The following RBM47 variants were observed in gnomAD, a reference collection of about 807,000 sequenced individuals.
The protein encoded by RBM47 is RNA binding motif protein 47.
In RBM47, 21 loss-of-function variants were observed where a neutral mutation model predicts 47.1. The observed-to-expected ratio is 0.45, with a 90% CI of 0.32 to 0.64. The LOEUF is 0.64. RBM47 is among the 30% of genes least tolerant of loss of function. The pLI is 0.05. For missense variants in RBM47, 708 were observed against 870.9 expected (o/e 0.81, Z 2.35); for synonymous variants, 375 against 361.7 (o/e 1.04, Z -0.42).
intron 1 of RBM47, among the ~76,000 whole-genome samples, chr4:40,557,102 T>C (rs1484445824): frequency 6.6e-6 from 1 of 152,170 alleles, no homozygotes; most frequent in East Asian, 1.9e-4. Context: ...AATTCATTAT[T>C]GGTGGAAGTA....
In RBM47 at chr4:40,483,274, T is replaced by A. The variant is rs1368009832; in HGVS notation, c.-154-16575A>T. ...TTCAATTTTGAATTGGTTGCAAGAG[T>A]CACTCAATCGTTCAACAATGGCTAT... On this transcript the variant is annotated intron_variant, in intron 2 of 6. Transcript: ENST00000295971. Among the ~76,000 whole-genome samples, 6 of 152,140 alleles carry A rather than the reference T, an allele frequency of 3.9e-5. No homozygotes were observed. In the East Asian group the frequency reaches 1.2e-3, roughly 29 times the overall value.
chr4:40,569,024 C>CAG (rs1731412511), intron 1 of RBM47, among the ~76,000 whole-genome samples: 3 of 126,738 alleles, frequency 2.4e-5, no homozygotes, highest in African/African-American at 1.1e-4. Context: ...GATAGACAGA[C>CAG]AGACAGACAG....
At chr4:40,565,584 T>C (rs1307346615) in intron 1 of RBM47, among the ~76,000 whole-genome samples, 4 of 152,168 alleles carry the variant, frequency 2.6e-5, no homozygotes, top group Non-Finnish European at 5.9e-5. Flanking sequence ...AGCTTTGGAA[T>C]TAAGATTTGG....
intron 6 of RBM47, among the ~76,000 whole-genome samples, 185 bp downstream of exon 6, chr4:40,432,466 G>A (rs1406024890): frequency 1.3e-5 from 2 of 151,986 alleles, no homozygotes; most frequent in Non-Finnish European, 2.9e-5. Flanking sequence ...TATTATTAGG[G>A]TAGTACAATT....
At chr4:40,625,461 T>C (rs906525372) in intron 1 of RBM47, among the ~76,000 whole-genome samples, 10 of 152,168 alleles carry the variant, frequency 6.6e-5, no homozygotes, top group African/African-American at 2.4e-4. Flanking sequence ...AGGCGTCCTG[T>C]TCCTGTTTCA....
At chr4:40,479,628 A>G in intron 2 of RBM47, among the ~76,000 whole-genome samples, 1 of 151,908 alleles carries the variant, frequency 6.6e-6, no homozygotes, top group South Asian at 2.1e-4. Flanking sequence ...ATATATAAAT[A>G]TAAATAAAAT....
intron 1 of RBM47, among the ~76,000 whole-genome samples, chr4:40,609,361 G>A (rs1736049035): frequency 6.8e-6 from 1 of 147,178 alleles, no homozygotes; most frequent in South Asian, 2.2e-4. Context: ...GGCCCACATT[G>A]GAGTGCAGTG....
intron 3 of RBM47, among the ~76,000 whole-genome samples, chr4:40,460,125 A>C (rs9790441): frequency 0.1 from 15,216 of 152,086 alleles, 1,060 homozygotes; most frequent in East Asian, 0.4. Context: ...CCAACCCCTA[A>C]TGGATTATAT....
chr4:40,570,907 A>T lies in RBM47; in HGVS notation c.-239-26401T>A, dbSNP rs1295401246. The stretch of plus-strand genomic sequence containing the variant: ...AACAGTGGAATGATACAACACAGAC[A>T]CCTACATACGAAAATAAAATACTGA... On this transcript the variant is annotated intron_variant, in intron 1 of 6. Coordinates refer to ENST00000295971, the MANE Select transcript of RBM47 (RefSeq NM_001098634.2). Among the ~76,000 whole-genome samples, 3 of 151,960 alleles carry T rather than the reference A, an allele frequency of 2.0e-5. No individual in the cohort carries two copies. In the East Asian group the frequency reaches 5.8e-4, roughly 29 times the overall value.
chr4:40,423,708 CTTT>C lies in RBM47; in HGVS notation c.*2193_*2195del, dbSNP rs1714675303. ...TCTTTCTTTCTTTCTTTCTTTCTTT[CTTT>C]CTTTTCTTTCTTTTCTTTCTTCCTC... On this transcript the variant is annotated 3_prime_UTR_variant, in exon 7 of 7. Transcript: ENST00000295971. The C allele has an allele frequency of 1.7e-5, 1 of 59,274 alleles. No homozygotes were observed. Among genetic ancestry groups the C allele is most frequent in the Non-Finnish European group, 2.9e-5 (1 of 33,972 alleles). 3.7% of individuals were successfully genotyped at this position (59,274 alleles called of 1,614,324 possible).
intron 2 of RBM47, among the ~76,000 whole-genome samples, chr4:40,526,211 C>G (rs1577883763): frequency 1.3e-5 from 2 of 152,152 alleles, no homozygotes. Flanking sequence ...TCCAAGGACT[C>G]GCTTTCTGCT....
rs1727571682 is a variant in RBM47 at position 40,533,118 on chromosome 4, A to C, written c.-155+11304T>G. Reference sequence around the variant, plus strand: ...GACTATAAGAAAAACAATAGTAAAAACAGCTGCTAGGGAATACAGATTATG... The same window carrying C: ...GACTATAAGAAAAACAATAGTAAAACCAGCTGCTAGGGAATACAGATTATG... On this transcript the variant is annotated intron_variant, in intron 2 of 6. Transcript: ENST00000295971. Among the ~76,000 whole-genome samples the C allele has an allele frequency of 1.3e-5, 2 of 152,108 alleles. 1 individual carries two copies. Among genetic ancestry groups the C allele is most frequent in the Admixed American group, 1.3e-4 (2 of 15,254 alleles).
At chr4:40,525,240 C>A (rs1449552329) in intron 2 of RBM47, among the ~76,000 whole-genome samples, 1 of 152,110 alleles carries the variant, frequency 6.6e-6, no homozygotes, top group Non-Finnish European at 1.5e-5. Flanking sequence ...GAGTTTGAAA[C>A]CAGCCTGGCC....
At chr4:40,606,330 C>A (rs1044503345) in intron 1 of RBM47, among the ~76,000 whole-genome samples, 1 of 150,906 alleles carries the variant, frequency 6.6e-6, no homozygotes, top group Admixed American at 6.6e-5. Context: ...TGTAGAGAAT[C>A]AGGGAACTTC....
At chr4:40,463,982 A>G (rs995969480) in intron 3 of RBM47, among the ~76,000 whole-genome samples, 7 of 152,182 alleles carry the variant, frequency 4.6e-5, no homozygotes, top group African/African-American at 7.2e-5. Flanking sequence ...TACAGTGTTC[A>G]TTAGTCAATT....
intron 2 of RBM47, among the ~76,000 whole-genome samples, chr4:40,490,326 T>A (rs1034443030): frequency 1.3e-5 from 2 of 151,604 alleles, no homozygotes; most frequent in Non-Finnish European, 2.9e-5. Flanking sequence ...GGGATCCATA[T>A]GGGAAAGGAA....
At chr4:40,630,579 T>A (rs1235740767), upstream of RBM47, 1 of 152,150 alleles carries the variant, frequency 6.6e-6, no homozygotes, top group Non-Finnish European at 1.5e-5. Flanking sequence ...CGTTCAGAAG[T>A]GGCTCATTTT....
At position 40,497,041 on chromosome 4, in the gene RBM47, C is replaced by CAAAA. The variant is rs10631036; in HGVS notation, c.-154-30346_-154-30343dup. Among the ~76,000 whole-genome samples the CAAAA allele has an allele frequency of 1.5e-4, 17 of 114,800 alleles. No homozygotes were observed. The East Asian group carries it at 2.8e-3, about 19-fold the overall frequency. The allele number at this position is 114,800 out of a possible 152,430, so 75.3% of individuals were successfully genotyped here. On this transcript the variant is annotated intron_variant, in intron 2 of 6. Coordinates refer to ENST00000295971, the MANE Select transcript of RBM47 (RefSeq NM_001098634.2). ...AGGCAACAAGAGCAAAACTCCATCT[C>CAAAA]AAAAAAAAAAAAAAAAGAAAGAAAG...
At chr4:40,498,111 G>A (rs1013425392) in intron 2 of RBM47, among the ~76,000 whole-genome samples, 12 of 131,272 alleles carry the variant, frequency 9.1e-5, no homozygotes, top group African/African-American at 3.0e-4. Context: ...AGAGACAAAT[G>A]TTGAGCGCTG....
Sources: gnomAD v4.1 joint callset for allele counts (sites outside exome capture counted in the v4.1 genomes callset) on GRCh38, gnomAD v4.1.1 for gene constraint, MANE v1.5 for transcripts, NCBI Gene and HGNC (gene_info 2026-07-23, HGNC 2026-07-21) for gene names.